RPN2: variants seen among roughly 807,000 people sequenced by gnomAD.
RPN2 encodes the protein ribophorin II.
In RPN2, 29 loss-of-function variants were observed where a neutral mutation model predicts 71.4. The observed-to-expected ratio is 0.41, with a 90% CI of 0.30 to 0.55. The LOEUF is 0.55. Among genes scored for constraint, RPN2 ranks in the 20% least tolerant of loss-of-function variants. The probability of loss-of-function intolerance (pLI) is 0.35; values close to 1 mark genes in which losing one functional copy is unlikely to be tolerated. For synonymous variants in RPN2, 308 were observed against 305.0 expected (o/e 1.01, Z -0.10); for missense variants, 726 against 774.1 (o/e 0.94, Z 0.74).
intron 9 of RPN2, among the ~76,000 whole-genome samples, chr20:37,220,518 C>G (rs1031482853): frequency 6.6e-6 from 1 of 152,106 alleles, no homozygotes; most frequent in African/African-American, 2.4e-5. Context: ...TTACTCCCAG[C>G]AGAAAGACTG....
chr20:37,211,149 C>T (rs1339775734), intron 8 of RPN2, among the ~76,000 whole-genome samples: 1 of 151,882 alleles, frequency 6.6e-6, no homozygotes, highest in Non-Finnish European at 1.5e-5. Flanking sequence ...ATTCTCCTGC[C>T]TTAGCTTCCC....
intron 6 of RPN2, among the ~76,000 whole-genome samples, chr20:37,206,832 T>C (rs1469162149): frequency 6.6e-6 from 1 of 151,954 alleles, no homozygotes; most frequent in Non-Finnish European, 1.5e-5. Flanking sequence ...CCTCAGCCTC[T>C]TGAGTAGATG....
intron 2 of RPN2, among the ~76,000 whole-genome samples, chr20:37,198,179 C>T (rs957250218): frequency 7.9e-5 from 12 of 152,184 alleles, no homozygotes; most frequent in Admixed American, 7.9e-4. Context: ...TTCTAAGGTT[C>T]GGAAGGACTC....
chr20:37,188,192 T>G (rs908057662), intron 2 of RPN2, among the ~76,000 whole-genome samples: 1 of 152,080 alleles, frequency 6.6e-6, no homozygotes, highest in African/African-American at 2.4e-5. Context: ...GTTTTTGAGA[T>G]GAAGGCTTAC....
chr20:37,227,129 C>T (rs968613280), intron 11 of RPN2, among the ~76,000 whole-genome samples: 3 of 152,220 alleles, frequency 2.0e-5, no homozygotes, highest in African/African-American at 4.8e-5. Context: ...CTCCCAAACT[C>T]CAGACAGCTT....
At chr20:37,231,752 T>C (rs1015409368) in intron 13 of RPN2, among the ~76,000 whole-genome samples, 7 of 151,294 alleles carry the variant, frequency 4.6e-5, no homozygotes, top group Non-Finnish European at 7.4e-5. Context: ...GAAGTTCGTT[T>C]AGGGCTTCCT....
At position 37,225,725 on chromosome 20, in the gene RPN2, G is replaced by T. The variant is rs575988788; in HGVS notation, c.1222G>T (p.Ala408Ser). 1 of 1,614,116 alleles carries T rather than the reference G, an allele frequency of 6.2e-7. No individual in the cohort carries two copies. The highest frequency in any genetic ancestry group is 1.7e-5 in the Admixed American group (1 of 60,020). ...YPAKAKGTFI[A>S]DSHQNFALFF... ...AGCCAAAGCCAAGGGCACATTCATCGCAGACAGCCACCAGAACTTCGCCTT... is the reference window on the plus strand; with the variant it reads ...AGCCAAAGCCAAGGGCACATTCATCTCAGACAGCCACCAGAACTTCGCCTT... Residue 408 changes from alanine (A) to serine (S), a missense_variant, in exon 11 of 17, where the codon GCA becomes TCA. Physicochemically the swap from Ala to Ser is moderately conservative, Grantham distance 99. Transcript: ENST00000237530.
chr20:37,236,853 C>CA (rs1160411247), intron 16 of RPN2, 144 bp downstream of exon 16: 3 of 815,330 alleles, frequency 3.7e-6, no homozygotes, highest in Non-Finnish European at 6.2e-6. Context: ...GTACAGAAGC[C>CA]AGAAGCACTT....
In RPN2 at chr20:37,210,116, G is replaced by C; in HGVS notation, c.937G>C (p.Val313Leu). The C allele has an allele frequency of 6.2e-7, 1 of 1,614,142 alleles. No homozygotes were observed. The highest frequency in any genetic ancestry group is 1.3e-5 in the African/African-American group (1 of 75,042). The change falls in exon 8 of 17, where the codon GTT becomes CTT. Residue 313 changes from valine to leucine, a missense_variant. Transcript: ENST00000237530. Reference sequence around the variant, plus strand: ...TGTTAAACTAGAACATGCTAAATCTGTTGCTTCCAGAGCCACTGTCCTCCA... The same window carrying C: ...TGTTAAACTAGAACATGCTAAATCTCTTGCTTCCAGAGCCACTGTCCTCCA... The part of the protein sequence containing the change: ...ATVKLEHAKS[V>L]ASRATVLQKT...
At chr20:37,190,467 ATTG>A (rs762992404) in intron 2 of RPN2, among the ~76,000 whole-genome samples, 2 of 152,144 alleles carry the variant, frequency 1.3e-5, no homozygotes, top group South Asian at 2.1e-4. Context: ...ACCTTTCAAA[ATTG>A]TTGTTCTGTC....
At chr20:37,233,854 G>A (rs866625470) in intron 14 of RPN2, among the ~76,000 whole-genome samples, 166 bp from the exon 15 acceptor site, 1 of 152,224 alleles carries the variant, frequency 6.6e-6, no homozygotes, top group Non-Finnish European at 1.5e-5. Context: ...AAGTTTCCCC[G>A]AGGGCTTATA....
chr20:37,228,123 T>TTTTTTTTTTTTTTTTTTTTTG (rs2068125352), intron 11 of RPN2, among the ~76,000 whole-genome samples: 1 of 152,194 alleles, frequency 6.6e-6, no homozygotes, highest in African/African-American at 2.4e-5. Context: ...ACTAAATCTT[T>TTTTTTTTTTTTTTTTTTTTTG]AGCTGGAGGC....
chr20:37,183,117 A>G (rs990304989), intron 1 of RPN2, among the ~76,000 whole-genome samples: 3 of 152,240 alleles, frequency 2.0e-5, no homozygotes, highest in Non-Finnish European at 4.4e-5. Context: ...ACAGAGAAGT[A>G]CAGATTGCTA....
chr20:37,199,432 C>T (rs570844390), intron 4 of RPN2, among the ~76,000 whole-genome samples: 1 of 152,356 alleles, frequency 6.6e-6, no homozygotes, highest in Admixed American at 6.5e-5. Context: ...TGGACACAGT[C>T]TTCTGCAAGC....
intron 7 of RPN2, among the ~76,000 whole-genome samples, chr20:37,207,994 G>T (rs2067556305): frequency 6.6e-6 from 1 of 152,128 alleles, no homozygotes; most frequent in Non-Finnish European, 1.5e-5. Flanking sequence ...AGGCTTGGCT[G>T]GGTACTGTGG....
At chr20:37,238,561 TC>T (rs2068465778) in intron 16 of RPN2, 1 of 781,510 alleles carries the variant, frequency 1.3e-6, no homozygotes, top group Non-Finnish European at 2.3e-6. Flanking sequence ...CTCCCACCCC[TC>T]CCTAAGCCAC....
Position 37,207,316 on chromosome 20 carries a change from A to G in RPN2, c.734A>G (p.Asn245Ser). Residue 245 changes from asparagine (N) to serine (S), a missense_variant, in exon 7 of 17, where the codon AAC becomes AGC. Asn to Ser is a conservative substitution (Grantham distance 46). Transcript: ENST00000237530. ...ATGAACGCGATCTTCAGCAAGAAGA[A>G]CTTTGAGTCCCTCTCCGAAGCCTTC... ...QLMNAIFSKK[N>S]FESLSEAFSV... The G allele has an allele frequency of 6.2e-7, 1 of 1,614,130 alleles. No individual in the cohort carries two copies.
At chr20:37,199,942 C>CTA (rs2067343904) in intron 4 of RPN2, among the ~76,000 whole-genome samples, 1 of 152,024 alleles carries the variant, frequency 6.6e-6, no homozygotes, top group Admixed American at 6.6e-5. Flanking sequence ...AGTGATTTTC[C>CTA]TACCTCAGCC....
intron 9 of RPN2, among the ~76,000 whole-genome samples, chr20:37,221,868 C>T (rs2067967773): frequency 6.6e-6 from 1 of 152,232 alleles, no homozygotes; most frequent in African/African-American, 2.4e-5. Context: ...ACTTGGGTCA[C>T]AGTTCCTTCT....
Sources: allele counts gnomAD v4.1 joint callset (sites outside exome capture counted in the v4.1 genomes callset), GRCh38; gene constraint gnomAD v4.1.1; transcripts MANE v1.5; gene names NCBI Gene and HGNC (gene_info 2026-07-23, HGNC 2026-07-21).